DMD: variants seen among roughly 807,000 people sequenced by gnomAD.
DMD encodes the protein mutant dystrophin.
A neutral mutation model predicts 330.1 loss-of-function variants in DMD; 63 were observed. The ratio of observed to expected loss-of-function variants is 0.19; its 90% CI spans 0.16 to 0.24. The LOEUF (loss-of-function observed/expected upper bound fraction) is 0.24, where lower values mean the gene tolerates loss of function less well. Among genes scored for constraint, DMD ranks in the 10% least tolerant of loss-of-function variants. The pLI, the probability that DMD is intolerant of heterozygous loss-of-function variation, is 1.00. For missense variants in DMD, 3,344 were observed against 2,684.1 expected (o/e 1.25, Z -5.43); for synonymous variants, 1,223 against 959.8 (o/e 1.27, Z -5.07).
At chrX:32,711,103 A>G (rs1379515369) in intron 7 of DMD, among the ~76,000 whole-genome samples, 1 of 111,978 alleles carries the variant, frequency 8.9e-6, no homozygotes, top group African/African-American at 3.2e-5. Context: ...TCTTACTGCT[A>G]TTTTAATTAC....
chrX:32,157,590 G>A (rs760695451), intron 44 of DMD, among the ~76,000 whole-genome samples: 78 of 112,344 alleles, frequency 6.9e-4, no homozygotes, highest in Non-Finnish European at 1.3e-3. Context: ...TCTGGAACTA[G>A]TTATCAGGCT....
intron 43 of DMD, among the ~76,000 whole-genome samples, chrX:32,230,666 C>T (rs6628689): frequency 0.078 from 8,665 of 111,790 alleles, 468 homozygotes; most frequent in East Asian, 0.45. Flanking sequence ...GACAAGCAAA[C>T]GTGAGTTTGA....
chrX:33,311,978 G>A (rs1386889855), intron 1 of DMD, among the ~76,000 whole-genome samples: 2 of 108,870 alleles, frequency 1.8e-5, no homozygotes, highest in East Asian at 5.8e-4. Flanking sequence ...GTTAATATGA[G>A]AAAATCAAAT....
chrX:31,950,345 G>T (rs1195839896), intron 45 of DMD, among the ~76,000 whole-genome samples: 1 of 111,452 alleles, frequency 9.0e-6, no homozygotes. Context: ...CATATTAAGA[G>T]AACATAATTT....
chrX:32,352,902 T>C (rs1290386273), intron 37 of DMD, among the ~76,000 whole-genome samples: 3 of 110,720 alleles, frequency 2.7e-5, no homozygotes, highest in Admixed American at 1.9e-4. Context: ...TTCAAAGATA[T>C]ATGCTTGTCT....
chrX:33,069,428 A>G, intron 1 of DMD, among the ~76,000 whole-genome samples: 1 of 111,774 alleles, frequency 8.9e-6, no homozygotes. Flanking sequence ...GCCAATTTAC[A>G]TACTATTCCT....
intron 20 of DMD, 42 bp downstream of exon 20, chrX:32,491,235 C>A: frequency 8.3e-7 from 1 of 1,202,452 alleles, no homozygotes; most frequent in South Asian, 1.8e-5. Flanking sequence ...CCAAGAAATA[C>A]CTATTGATTA....
chrX:32,135,154 T>G (rs917144039), intron 44 of DMD, among the ~76,000 whole-genome samples: 16 of 112,247 alleles, frequency 1.4e-4, no homozygotes, highest in African/African-American at 5.2e-4. Context: ...AACTAAAAGG[T>G]ATCCTAGATT....
intron 55 of DMD, among the ~76,000 whole-genome samples, chrX:31,566,049 T>TATCA (rs2075447470): frequency 9.0e-6 from 1 of 111,656 alleles, no homozygotes; most frequent in Non-Finnish European, 1.9e-5. Flanking sequence ...AAATATTTTC[T>TATCA]ATCAGTCTGT....
chrX:32,195,369 A>G (rs2096994676), intron 44 of DMD, among the ~76,000 whole-genome samples: 1 of 111,442 alleles, frequency 9.0e-6, no homozygotes, highest in African/African-American at 3.3e-5. Context: ...TCAACTAAAG[A>G]TGGCAGTTAA....
intron 44 of DMD, among the ~76,000 whole-genome samples, chrX:32,040,053 A>G (rs981548393): frequency 8.9e-6 from 1 of 112,172 alleles, no homozygotes; most frequent in Non-Finnish European, 1.9e-5. Context: ...CATCACATAC[A>G]CTATAAAATA....
intron 18 of DMD, among the ~76,000 whole-genome samples, chrX:32,509,660 C>A (rs1017070606): frequency 8.9e-6 from 1 of 111,983 alleles, no homozygotes; most frequent in South Asian, 3.7e-4. Flanking sequence ...CTTTACCTAT[C>A]ACCATGATTT....
chrX:32,798,329 T>A (rs189756351), intron 7 of DMD, among the ~76,000 whole-genome samples: 1 of 94,054 alleles, frequency 1.1e-5, no homozygotes, highest in Non-Finnish European at 1.9e-5. Flanking sequence ...AAATACTCAG[T>A]TTTTTTATGG....
At chrX:32,661,432 C>T (rs1426952010) in intron 9 of DMD, among the ~76,000 whole-genome samples, 1 of 110,949 alleles carries the variant, frequency 9.0e-6, no homozygotes, top group Non-Finnish European at 1.9e-5. Context: ...TGCCCAAGGT[C>T]GAAGAGCTAA....
rs762608603 is a variant in DMD, at chrX:33,051,948, C to T, written c.32-31748G>A. Among the ~76,000 whole-genome samples the T allele has an allele frequency of 7.2e-5, 8 of 111,220 alleles. No homozygotes were observed. In the East Asian group the frequency reaches 2.0e-3, roughly 27 times the overall value. On this transcript the variant is annotated intron_variant, in intron 1 of 78. Coordinates refer to ENST00000357033, the MANE Select transcript of DMD (RefSeq NM_004006.3). ...ACAAGTGTGAGTCACCGCGCCCGAC[C>T]TAAATATCCTTTAAATCTAGTGTAT...
intron 44 of DMD, among the ~76,000 whole-genome samples, chrX:32,049,260 T>C (rs991433783): frequency 1.3e-4 from 14 of 111,109 alleles, no homozygotes; most frequent in Non-Finnish European, 2.3e-4. Context: ...ACATTTGTAA[T>C]ACGTCCGTTA....
chrX:32,949,356 A>G (rs1025708596), intron 2 of DMD, among the ~76,000 whole-genome samples: 3 of 82,684 alleles, frequency 3.6e-5, no homozygotes, highest in African/African-American at 2.1e-4. Flanking sequence ...ATAGATAGAT[A>G]GATAGATAGA....
At chrX:31,828,344 C>G (rs2092936385) in intron 49 of DMD, among the ~76,000 whole-genome samples, 1 of 111,372 alleles carries the variant, frequency 9.0e-6, no homozygotes, top group South Asian at 3.8e-4. Flanking sequence ...CACAACCCTC[C>G]TAGTTTAAAT....
chrX:31,994,102 T>C (rs1036993092), intron 44 of DMD, among the ~76,000 whole-genome samples: 2 of 111,531 alleles, frequency 1.8e-5, no homozygotes, highest in Admixed American at 1.9e-4. Context: ...AGCTGAGGGA[T>C]TGTATACACC....
Sources: gnomAD v4.1 joint callset for allele counts (sites outside exome capture counted in the v4.1 genomes callset) on GRCh38, gnomAD v4.1.1 for gene constraint, MANE v1.5 for transcripts, NCBI Gene and HGNC (gene_info 2026-07-23, HGNC 2026-07-21) for gene names.